RAB11FIP3: variants seen among roughly 807,000 people sequenced by gnomAD.
RAB11FIP3 encodes the protein rab11 family-interacting protein 3.
A neutral mutation model predicts 77.8 loss-of-function variants in RAB11FIP3; 17 were observed. That is an observed-to-expected ratio of 0.22 (90% CI 0.15 to 0.33). The LOEUF is 0.33. Among genes scored for constraint, RAB11FIP3 ranks in the 10% least tolerant of loss-of-function variants. The pLI, the probability that RAB11FIP3 is intolerant of heterozygous loss-of-function variation, is 1.00. For missense variants in RAB11FIP3, 1,005 were observed against 1,011.2 expected, an observed-to-expected ratio of 0.99 and a Z score of 0.08; for synonymous variants, 437 against 448.2, an observed-to-expected ratio of 0.98 and a Z score of 0.31.
At chr16:491,400 C>T (rs375950937) in intron 5 of RAB11FIP3, 282 of 973,506 alleles carry the variant, frequency 2.9e-4, no homozygotes, top group Admixed American at 4.6e-4. Flanking sequence ...CCTGGGGCCC[C>T]GCCTCCCACC....
intron 5 of RAB11FIP3, among the ~76,000 whole-genome samples, chr16:492,825 G>C (rs1296569039): frequency 2.0e-5 from 3 of 152,128 alleles, no homozygotes; most frequent in Admixed American, 2.0e-4. Flanking sequence ...TTGAGAACTA[G>C]CTCCAAGATG....
chr16:478,509 G>A (rs1283091464), intron 3 of RAB11FIP3, among the ~76,000 whole-genome samples: 4 of 152,006 alleles, frequency 2.6e-5, no homozygotes, highest in Non-Finnish European at 5.9e-5. Context: ...TGCTTCTTAC[G>A]ATACTAGAAC....
chr16:477,340 G>A (rs1367786286), intron 3 of RAB11FIP3, among the ~76,000 whole-genome samples: 1 of 152,234 alleles, frequency 6.6e-6, no homozygotes, highest in Admixed American at 6.5e-5. Context: ...TCAGCAGCGG[G>A]TCTTCCTGGT....
chr16:430,518 T>G (rs1037916568), intron 1 of RAB11FIP3, among the ~76,000 whole-genome samples: 11 of 152,094 alleles, frequency 7.2e-5, no homozygotes, highest in Admixed American at 5.2e-4. Flanking sequence ...CCGCTAATGG[T>G]GGCAGTAGGA....
chr16:507,125 T>G lies in RAB11FIP3; in HGVS notation c.1499+1498T>G, dbSNP rs542772946. Among the ~76,000 whole-genome samples the G allele has an allele frequency of 6.6e-6, 1 of 151,400 alleles. No individual in the cohort carries two copies. Among genetic ancestry groups the G allele is most frequent in the African/African-American group, 2.4e-5 (1 of 41,150 alleles). On this transcript the variant is annotated intron_variant, in intron 8 of 13. Coordinates refer to ENST00000262305, the MANE Select transcript of RAB11FIP3 (RefSeq NM_014700.4). This position sits in a 1 kb window ranked among gnomAD's most constrained non-coding sequence, Gnocchi z 4.6. ...CACCACACCCAGCTTTTTTTTTTTTTTTTTTGAGACGGGGTCTCTCTCTGT... is the reference window on the plus strand; with the variant it reads ...CACCACACCCAGCTTTTTTTTTTTTGTTTTTGAGACGGGGTCTCTCTCTGT...
chr16:498,140 A>G (rs2031277590), intron 6 of RAB11FIP3, among the ~76,000 whole-genome samples: 2 of 152,036 alleles, frequency 1.3e-5, no homozygotes, highest in African/African-American at 4.8e-5. Flanking sequence ...GAGGTAAGCC[A>G]CCACACCCAG....
chr16:474,898 T>C (rs1278992736), intron 3 of RAB11FIP3: 2 of 1,498,990 alleles, frequency 1.3e-6, no homozygotes, highest in Non-Finnish European at 1.8e-6. Context: ...GGTGGTGATG[T>C]GCCTCCAGGT....
At chr16:475,191 G>A (rs1783318071) in intron 3 of RAB11FIP3, 1 of 1,373,868 alleles carries the variant, frequency 7.3e-7, no homozygotes, top group South Asian at 1.7e-5. Flanking sequence ...CGGGGACAGT[G>A]TTGGCCCCAC....
At chr16:489,972 T>C (rs772171762) in intron 5 of RAB11FIP3, among the ~76,000 whole-genome samples, 14 of 152,178 alleles carry the variant, frequency 9.2e-5, no homozygotes, top group Non-Finnish European at 1.8e-4. Flanking sequence ...TGTGCTTGTC[T>C]TAGGCACTTT....
chr16:433,321 G>A (rs1284541283), intron 1 of RAB11FIP3, among the ~76,000 whole-genome samples: 1 of 142,678 alleles, frequency 7.0e-6, no homozygotes, highest in African/African-American at 2.6e-5. Flanking sequence ...GTGAGCCACC[G>A]CTCATTGCAT....
rs2055598196 is a variant in RAB11FIP3, at chr16:461,156, A to G, written c.715-248A>G. Among the ~76,000 whole-genome samples the G allele has an allele frequency of 6.6e-6, 1 of 152,220 alleles. No individual in the cohort carries two copies. Among genetic ancestry groups the G allele is most frequent in the Admixed American group, 6.5e-5 (1 of 15,286 alleles). On this transcript the variant is annotated intron_variant, in intron 1 of 13. Transcript: ENST00000262305. The surrounding 1 kb of genome is among the most constrained non-coding windows in gnomAD (Gnocchi z 4.5). ...TCAGATCATCCGGCGTTAGAGTCTC[A>G]TAAGGAGCGCGCAACCTGGACCCCT...
rs2055825138 is a variant in RAB11FIP3, at chr16:472,386, T to C, written c.903+997T>C. 6.6e-6 allele frequency among the ~76,000 whole-genome samples: 1 copy of C among 152,148 alleles called. No homozygotes were observed. The highest frequency in any genetic ancestry group is 2.1e-4 in the South Asian group (1 of 4,828). Reference sequence around the variant, plus strand: ...GCCAGGGCGCCCACCGTGGGTCCCATGTTTGGCCTTGGTGTGCTCTTTCTG... The same window carrying C: ...GCCAGGGCGCCCACCGTGGGTCCCACGTTTGGCCTTGGTGTGCTCTTTCTG... On this transcript the variant is annotated intron_variant, in intron 3 of 13. Transcript: ENST00000262305. The surrounding 1 kb of genome is among the most constrained non-coding windows in gnomAD (Gnocchi z 4.1).
Position 482,566 on chromosome 16 carries a change from C to T in RAB11FIP3, c.945C>T (p.Ser315=). Residue 315 remains serine, a synonymous_variant, in exon 4 of 14, where the codon AGC becomes AGT. Coordinates refer to ENST00000262305, the MANE Select transcript of RAB11FIP3 (RefSeq NM_014700.4). ...VTDSAYMGSE[S]TYSECETFTD... ...ACAGCGCGTACATGGGCTCCGAGAG[C>T]ACCTACAGTGAGTGTGAGACCTTCA... 1 of 1,613,652 alleles carries T rather than the reference C, an allele frequency of 6.2e-7. No homozygotes were observed. The highest frequency in any genetic ancestry group is 8.5e-7 in the Non-Finnish European group (1 of 1,180,026).
At chr16:437,997 A>T (rs958282820) in intron 1 of RAB11FIP3, among the ~76,000 whole-genome samples, 7 of 152,024 alleles carry the variant, frequency 4.6e-5, no homozygotes, top group African/African-American at 1.7e-4. Flanking sequence ...TTTAGTAGAG[A>T]TGGGGTTTCA....
At chr16:427,951 A>G (rs1202686998) in intron 1 of RAB11FIP3, among the ~76,000 whole-genome samples, 1 of 152,030 alleles carries the variant, frequency 6.6e-6, no homozygotes, top group Non-Finnish European at 1.5e-5. Flanking sequence ...ATACAAAAAA[A>G]TTAGTCGGGC....
chr16:432,564 C>A (rs2055054489), intron 1 of RAB11FIP3, among the ~76,000 whole-genome samples: 1 of 146,486 alleles, frequency 6.8e-6, no homozygotes, highest in African/African-American at 2.5e-5. Flanking sequence ...ATGCATGTTG[C>A]TTTGAATCTG....
intron 9 of RAB11FIP3, among the ~76,000 whole-genome samples, chr16:516,488 G>A (rs1195135694): frequency 6.6e-6 from 1 of 152,232 alleles, no homozygotes; most frequent in African/African-American, 2.4e-5. Context: ...CGCCAAAGCT[G>A]GAACAGTTTA....
Position 520,186 on chromosome 16 carries a change from G to C in RAB11FIP3, c.1925G>C (p.Arg642Pro). The C allele has an allele frequency of 3.2e-6, 5 of 1,545,594 alleles. No individual in the cohort carries two copies. The highest frequency in any genetic ancestry group is 4.4e-6 in the Non-Finnish European group (5 of 1,147,638). Reference sequence around the variant, plus strand: ...CTCCTCAAGCTGGAGGCCGAGCAGCGGCGGGGCCGCAGCAGCAGCATGGGC... The same window carrying C: ...CTCCTCAAGCTGGAGGCCGAGCAGCCGCGGGGCCGCAGCAGCAGCATGGGC... ...LQLLKLEAEQ[R>P]RGRSSSMGLQ... Residue 642 changes from arginine to proline, a missense_variant, in exon 12 of 14, where the codon CGG becomes CCG. By Grantham distance (103) the Arg-to-Pro change is moderately radical (BLOSUM62 -2). Coordinates refer to ENST00000262305, the MANE Select transcript of RAB11FIP3 (RefSeq NM_014700.4).
intron 1 of RAB11FIP3, among the ~76,000 whole-genome samples, chr16:436,274 A>C (rs1033268149): frequency 1.3e-5 from 2 of 152,036 alleles, no homozygotes; most frequent in Non-Finnish European, 2.9e-5. Flanking sequence ...GCGCCACCGC[A>C]CTCCAGCCCA....
Sources: gnomAD v4.1 joint callset for allele counts (sites outside exome capture counted in the v4.1 genomes callset) on GRCh38, gnomAD v4.1.1 for gene constraint, Gnocchi (gnomAD v3.1) non-coding constraint, MANE v1.5 for transcripts, NCBI Gene and HGNC (gene_info 2026-07-23, HGNC 2026-07-21) for gene names.